Variants in ZNF544 observed in about 807,000 individuals in gnomAD.
The protein encoded by ZNF544 is zinc finger protein 544.
In ZNF544, 10 loss-of-function variants were observed where a neutral mutation model predicts 13.5. The observed-to-expected ratio is 0.74, with a 90% CI of 0.46 to 1.25. The LOEUF is 1.25. Among genes scored for constraint, ZNF544 ranks in the 50% most tolerant of loss-of-function variants. The probability of loss-of-function intolerance (pLI) is 0.00; values close to 1 mark genes in which losing one functional copy is unlikely to be tolerated. For missense variants in ZNF544, 896 were observed against 845.6 expected, an observed-to-expected ratio of 1.06 and a Z score of -0.74; for synonymous variants, 323 against 300.5, an observed-to-expected ratio of 1.07 and a Z score of -0.77.
At chr19:58,256,316 G>A (rs1459363912) in intron 6 of ZNF544, among the ~76,000 whole-genome samples, 6 of 151,596 alleles carry the variant, frequency 4.0e-5, no homozygotes, top group Non-Finnish European at 8.8e-5. Context: ...TTGTACCCAA[G>A]CGAGTTAAAA....
downstream of ZNF544, among the ~76,000 whole-genome samples, chr19:58,268,310 TAAATA>T (rs576535213): frequency 3.6e-4 from 54 of 151,850 alleles, no homozygotes; most frequent in Middle Eastern, 3.4e-3. Context: ...TCAGAAAAAA[TAAATA>T]AAAATAAAAA....
At chr19:58,268,887 C>T (rs1479112085), downstream of ZNF544, among the ~76,000 whole-genome samples, 2 of 152,158 alleles carry the variant, frequency 1.3e-5, no homozygotes, top group African/African-American at 2.4e-5. Context: ...CTAACAAAGA[C>T]TTACTAGCAC....
At chr19:58,241,181 T>TTAAATATATATATATATATATATA (rs1568461117) in intron 3 of ZNF544, among the ~76,000 whole-genome samples, 2 of 51,278 alleles carry the variant, frequency 3.9e-5, no homozygotes, top group African/African-American at 1.8e-4. Context: ...ATATATATAT[T>TTAAATATATATATATATATATATA]TTTTTTTTTT....
At chr19:58,265,172 A>G (rs2049701441), downstream of ZNF544, among the ~76,000 whole-genome samples, 1 of 152,218 alleles carries the variant, frequency 6.6e-6, no homozygotes, top group Non-Finnish European at 1.5e-5. Flanking sequence ...TAGTATGTTC[A>G]CAGAAGGTTA....
chr19:58,262,022 C>T lies in ZNF544; in HGVS notation c.1416C>T (p.Ser472=). The change falls in exon 7 of 7, where the codon TCC becomes TCT. Residue 472 remains serine (S), a synonymous_variant. Coordinates refer to ENST00000687789, the MANE Select transcript of ZNF544 (RefSeq NM_014480.4). ...KPYECTHCGK[S]FSQSYELVTH... is the part of the protein sequence containing the mutation. Reference sequence around the variant, plus strand: ...ATGAGTGCACTCACTGTGGAAAGTCCTTCAGCCAAAGCTATGAGTTAGTTA... The same window carrying T: ...ATGAGTGCACTCACTGTGGAAAGTCTTTCAGCCAAAGCTATGAGTTAGTTA... 6.2e-7 allele frequency: 1 copy of T among 1,612,790 alleles called. No individual in the cohort carries two copies.
intron 3 of ZNF544, among the ~76,000 whole-genome samples, chr19:58,240,568 T>C (rs1600244396): frequency 6.6e-6 from 1 of 152,088 alleles, no homozygotes; most frequent in Non-Finnish European, 1.5e-5. Flanking sequence ...GAGACCAGCC[T>C]GGACAACATC....
chr19:58,242,434 G>C (rs1264755866), intron 3 of ZNF544: 1 of 218,716 alleles, frequency 4.6e-6, no homozygotes, highest in Non-Finnish European at 7.7e-6. Flanking sequence ...AAATGCCAGC[G>C]TTCAAACCTG....
chr19:58,265,813 C>G (rs1293088508), downstream of ZNF544, among the ~76,000 whole-genome samples: 1 of 151,026 alleles, frequency 6.6e-6, no homozygotes, highest in Non-Finnish European at 1.5e-5. Context: ...GTCTTGAACT[C>G]CTGGGCCCAA....
chr19:58,260,190 A>T (rs984596576), intron 6 of ZNF544, among the ~76,000 whole-genome samples: 6 of 152,192 alleles, frequency 3.9e-5, no homozygotes, highest in Admixed American at 2.0e-4. Context: ...AGGGGCTTAG[A>T]ACATACATAC....
Position 58,246,286 on chromosome 19 carries a change from A to C in ZNF544, c.34-15A>C. 6.2e-7 allele frequency: 1 copy of C among 1,613,874 alleles called. No individual in the cohort carries two copies. Among genetic ancestry groups the C allele is most frequent in the Non-Finnish European group, 8.5e-7 (1 of 1,179,834 alleles). ...GACCTGGGGTCTCTGAGCAGTAACA[A>C]GTGCCCTGTTTCAGGCATCTGTGTG... On this transcript the variant is annotated splice_polypyrimidine_tract_variant and intron_variant, in intron 4 of 6. Transcript: ENST00000687789.
rs1243209076 is a variant in ZNF544 at position 58,263,007 on chromosome 19, A to G, written c.*253A>G. The G allele has an allele frequency of 2.4e-6, 3 of 1,255,238 alleles. No individual in the cohort carries two copies. Among genetic ancestry groups the G allele is most frequent in the Non-Finnish European group, 3.0e-6 (3 of 996,196 alleles). 77.8% of individuals were successfully genotyped at this position (1,255,238 alleles called of 1,614,324 possible). ...GGAGGCAAACCCTATGAATGTGACC[A>G]TTGCGAGAAAGCCTTTAGCCAACGG... is the stretch of plus-strand genomic sequence containing the variant. On this transcript the variant is annotated 3_prime_UTR_variant, in exon 7 of 7. Transcript: ENST00000687789.
chr19:58,261,382 T>C lies in ZNF544; in HGVS notation c.776T>C (p.Phe259Ser). The change falls in exon 7 of 7, where the codon TTT becomes TCT. Residue 259 changes from phenylalanine (F) to serine (S), a missense_variant. Physicochemically the swap from Phe to Ser is radical, Grantham distance 155. Coordinates refer to ENST00000687789, the MANE Select transcript of ZNF544 (RefSeq NM_014480.4). ...CTCAACTATGGTTCCTCCCTTTGTT[T>C]TCATGGTAGAACTTTTTCAGTGAAG... ...DSLNYGSSLC[F>S]HGRTFSVKKS... 6.2e-7 allele frequency: 1 copy of C among 1,614,174 alleles called. No individual in the cohort carries two copies. Among genetic ancestry groups the C allele is most frequent in the Non-Finnish European group, 8.5e-7 (1 of 1,180,042 alleles).
chr19:58,269,445 CAAACA>C (rs1357195053), intron 5 of ZNF544, among the ~76,000 whole-genome samples: 3 of 82,548 alleles, frequency 3.6e-5, no homozygotes, highest in Non-Finnish European at 7.8e-5. Context: ...CAAAAAAAAA[CAAACA>C]AAAAAAATGT....
At chr19:58,241,145 A>G (rs2043528057) in intron 3 of ZNF544, among the ~76,000 whole-genome samples, 1 of 117,420 alleles carries the variant, frequency 8.5e-6, no homozygotes, top group Non-Finnish European at 1.7e-5. Context: ...CCAATTTAAA[A>G]TATATATATA....
At chr19:58,245,997 T>C (rs940078709) in intron 4 of ZNF544, 1 of 381,320 alleles carries the variant, frequency 2.6e-6, no homozygotes, top group African/African-American at 2.1e-5. Flanking sequence ...CTCATAGTTC[T>C]GGAGGCTGGT....
intron 6 of ZNF544, among the ~76,000 whole-genome samples, chr19:58,248,071 G>A (rs550277460): frequency 2.6e-5 from 4 of 151,786 alleles, no homozygotes; most frequent in South Asian, 2.1e-4. Flanking sequence ...GCACCACCAC[G>A]CCCAGCTAAT....
At chr19:58,244,766 A>C (rs1446581758) in intron 4 of ZNF544, among the ~76,000 whole-genome samples, 1 of 152,060 alleles carries the variant, frequency 6.6e-6, no homozygotes, top group Non-Finnish European at 1.5e-5. Context: ...TAGTGGGGAC[A>C]GGGTTTTGCC....
intron 3 of ZNF544, among the ~76,000 whole-genome samples, chr19:58,232,116 C>A (rs552415414): frequency 1.3e-5 from 2 of 151,704 alleles, no homozygotes; most frequent in Non-Finnish European, 2.9e-5. Flanking sequence ...AAGACTAGTT[C>A]TCACAGTAAA....
intron 1 of ZNF544, 44 bp from the exon 2 acceptor site, chr19:58,229,424 C>T (rs572436084): frequency 7.9e-5 from 12 of 152,370 alleles, no homozygotes; most frequent in Admixed American, 1.3e-4. Flanking sequence ...CCTCTCCCGG[C>T]TCCTTTTTCC....
Sources: gnomAD v4.1 joint callset for allele counts (sites outside exome capture counted in the v4.1 genomes callset) on GRCh38, gnomAD v4.1.1 for gene constraint, MANE v1.5 for transcripts, NCBI Gene and HGNC (gene_info 2026-07-23, HGNC 2026-07-21) for gene names.